Variants in C10orf90 observed in about 807,000 individuals in gnomAD.
The protein encoded by C10orf90 is (E2-independent) E3 ubiquitin-conjugating enzyme FATS.
In C10orf90, 56 loss-of-function variants were observed where a neutral mutation model predicts 62.5. That is an observed-to-expected ratio of 0.90 (90% CI 0.72 to 1.12). The LOEUF (loss-of-function observed/expected upper bound fraction) is 1.12, where lower values mean the gene tolerates loss of function less well. Among genes scored for constraint, C10orf90 ranks in the 50% most tolerant of loss-of-function variants. The probability of loss-of-function intolerance (pLI) is 0.00; values close to 1 mark genes in which losing one functional copy is unlikely to be tolerated. For synonymous variants in C10orf90, 386 were observed against 340.4 expected (o/e 1.13, Z -1.47); for missense variants, 970 against 880.4 (o/e 1.10, Z -1.29).
intron 2 of C10orf90, among the ~76,000 whole-genome samples, chr10:126,573,988 C>G (rs1182751297): frequency 6.6e-6 from 1 of 152,168 alleles, no homozygotes; most frequent in Non-Finnish European, 1.5e-5. Context: ...TGGTAGTTCA[C>G]TTCGTCTAAC....
intron 2 of C10orf90, among the ~76,000 whole-genome samples, chr10:126,545,559 T>C (rs941902283): frequency 2.6e-5 from 4 of 152,200 alleles, no homozygotes; most frequent in Non-Finnish European, 4.4e-5. Context: ...CCCAAGATGG[T>C]TGCAGAATCT....
chr10:126,641,482 G>A (rs924449192), intron 2 of C10orf90, among the ~76,000 whole-genome samples: 6 of 151,930 alleles, frequency 3.9e-5, no homozygotes, highest in Admixed American at 3.3e-4. Context: ...CCATCCGCCC[G>A]CTCCTTTTTC....
At chr10:126,642,302 G>A (rs1425845450) in intron 2 of C10orf90, among the ~76,000 whole-genome samples, 1 of 152,070 alleles carries the variant, frequency 6.6e-6, no homozygotes, top group East Asian at 1.9e-4. Flanking sequence ...GGAGGCCAAG[G>A]TGGGCAGATC....
chr10:126,534,669 G>T (rs181167632), intron 2 of C10orf90, among the ~76,000 whole-genome samples: 2 of 152,052 alleles, frequency 1.3e-5, no homozygotes, highest in East Asian at 1.9e-4. Context: ...CATTGGGTCC[G>T]GGCCACCTTC....
In C10orf90 at chr10:126,547,458, C is replaced by T. The variant is rs75116356; in HGVS notation, c.314-33519G>A. Among the ~76,000 whole-genome samples, 1,083 of 145,114 alleles carry T rather than the reference C, an allele frequency of 7.5e-3. 19 individuals carry two copies. Among genetic ancestry groups the T allele is most frequent in the South Asian group, 0.029 (129 of 4,422 alleles). On this transcript the variant is annotated intron_variant, in intron 2 of 9. Transcript: ENST00000488181. ...ATAAAGAGAAAGAAAGAAAATCATT[C>T]GTTCATCACAACAAGAACCAGAAAC...
chr10:126,529,314 G>T (rs896802409), intron 2 of C10orf90, among the ~76,000 whole-genome samples: 1 of 152,108 alleles, frequency 6.6e-6, no homozygotes, highest in Non-Finnish European at 1.5e-5. Context: ...GAATAGGAAA[G>T]GATGTCTTTA....
intron 2 of C10orf90, among the ~76,000 whole-genome samples, chr10:126,634,379 T>C (rs950421710): frequency 3.3e-5 from 5 of 152,148 alleles, no homozygotes; most frequent in Non-Finnish European, 7.3e-5. Context: ...AAAGGACCAA[T>C]ACTATATTAT....
At chr10:126,445,000 C>G (rs767530159) in intron 7 of C10orf90, among the ~76,000 whole-genome samples, 16 of 152,086 alleles carry the variant, frequency 1.1e-4, no homozygotes, top group Non-Finnish European at 2.2e-4. Context: ...CATCTCTCAC[C>G]TTAGACAAAA....
At chr10:126,516,791 A>C (rs1157855311) in intron 2 of C10orf90, among the ~76,000 whole-genome samples, 1 of 152,172 alleles carries the variant, frequency 6.6e-6, no homozygotes, top group African/African-American at 2.4e-5. Flanking sequence ...CACTCGGCTA[A>C]AATCAAGGTG....
chr10:126,456,309 C>G lies in C10orf90; in HGVS notation c.2188+2731G>C, dbSNP rs1242592105. Among the ~76,000 whole-genome samples, 1 of 152,282 alleles carries G rather than the reference C, an allele frequency of 6.6e-6. No individual in the cohort carries two copies. The highest frequency in any genetic ancestry group is 1.9e-4 in the East Asian group (1 of 5,160). On this transcript the variant is annotated intron_variant, in intron 7 of 9. Transcript: ENST00000488181. This position sits in a 1 kb window ranked among gnomAD's most constrained non-coding sequence, Gnocchi z 4.9. ...AACACAAACGAACCCAAAAGTAAAG[C>G]TCTCATCGACACATAAATACGGCAG...
chr10:126,560,805 T>G (rs1285236094), intron 2 of C10orf90, among the ~76,000 whole-genome samples: 1 of 152,248 alleles, frequency 6.6e-6, no homozygotes, highest in Non-Finnish European at 1.5e-5. Flanking sequence ...CCAATGGGCG[T>G]GGATGCATTC....
intron 2 of C10orf90, among the ~76,000 whole-genome samples, chr10:126,646,039 T>C (rs1003443051): frequency 7.2e-5 from 11 of 152,200 alleles, no homozygotes; most frequent in African/African-American, 2.7e-4. Flanking sequence ...CTGTGGGATT[T>C]TGCTCACAAA....
At chr10:126,640,337 AGC>A (rs1349443627) in intron 2 of C10orf90, among the ~76,000 whole-genome samples, 1 of 152,216 alleles carries the variant, frequency 6.6e-6, no homozygotes, top group Non-Finnish European at 1.5e-5. Flanking sequence ...TGGGGTTCTC[AGC>A]CACTCACACG....
intron 2 of C10orf90, among the ~76,000 whole-genome samples, chr10:126,576,692 T>A (rs879942184): frequency 0.15 from 5,104 of 33,714 alleles, 1,035 homozygotes; most frequent in African/African-American, 0.33. Flanking sequence ...TACATATACA[T>A]GTATATGTAT....
At chr10:126,524,044 C>T (rs1863859137) in intron 2 of C10orf90, among the ~76,000 whole-genome samples, 1 of 152,172 alleles carries the variant, frequency 6.6e-6, no homozygotes. Flanking sequence ...AAACATGTAT[C>T]CAAGTCTCTG....
intron 2 of C10orf90, among the ~76,000 whole-genome samples, chr10:126,644,660 TTCCTAAGCCA>T (rs1846130504): frequency 6.6e-6 from 1 of 152,212 alleles, no homozygotes; most frequent in African/African-American, 2.4e-5. Context: ...ATGGGCTTGA[TTCCTAAGCCA>T]TTAAAGTGCT....
chr10:126,664,671 C>T (rs1293030763), intron 1 of C10orf90, among the ~76,000 whole-genome samples: 1 of 152,162 alleles, frequency 6.6e-6, no homozygotes, highest in Non-Finnish European at 1.5e-5. Flanking sequence ...GGAAATTTAC[C>T]AAAATGATGT....
intron 7 of C10orf90, among the ~76,000 whole-genome samples, chr10:126,433,081 C>G (rs757932742): frequency 9.2e-5 from 14 of 152,060 alleles, no homozygotes; most frequent in Non-Finnish European, 1.6e-4. Flanking sequence ...AAGATGGCAG[C>G]GTGCAGGTAG....
Position 126,542,481 on chromosome 10 carries a change from C to T in C10orf90, c.314-28542G>A, listed in dbSNP as rs181503598. 4.9e-3 allele frequency among the ~76,000 whole-genome samples: 735 copies of T among 151,496 alleles called. 5 individuals are homozygous for T. The highest frequency in any genetic ancestry group is 0.017 in the African/African-American group (705 of 41,286). The stretch of plus-strand genomic sequence containing the variant: ...TTGTGCCACTGCACTCCAGCCTGGG[C>T]GACAGAGCGAGACTCTGTCTCGAAA... On this transcript the variant is annotated intron_variant, in intron 2 of 9. Coordinates refer to ENST00000488181, the MANE Select transcript of C10orf90 (RefSeq NM_001350921.2).
Sources: allele counts gnomAD v4.1 joint callset (sites outside exome capture counted in the v4.1 genomes callset), GRCh38; gene constraint gnomAD v4.1.1; non-coding constraint Gnocchi (gnomAD v3.1); transcripts MANE v1.5; gene names NCBI Gene and HGNC (gene_info 2026-07-23, HGNC 2026-07-21).